The following CYREN variants were observed in gnomAD, a reference collection of about 807,000 sequenced individuals.
CYREN encodes cell cycle regulator of NHEJ.
Under a neutral mutation model 9.7 loss-of-function variants are expected in CYREN, and 7 were observed. The ratio of observed to expected loss-of-function variants is 0.72; its 90% CI spans 0.41 to 1.36. The LOEUF (loss-of-function observed/expected upper bound fraction) is 1.36, where lower values mean the gene tolerates loss of function less well. Among genes scored for constraint, CYREN ranks in the 40% most tolerant of loss-of-function variants. The pLI, the probability that CYREN is intolerant of heterozygous loss-of-function variation, is 0.01. For synonymous variants in CYREN, 76 were observed against 77.9 expected (o/e 0.98, Z 0.13); for missense variants, 215 against 198.1 (o/e 1.09, Z -0.51).
At chr7:135,110,210 A>C (rs117064091) in intron 2 of CYREN, among the ~76,000 whole-genome samples, 3,000 of 152,170 alleles carry the variant, frequency 0.02, 46 homozygotes, top group Middle Eastern at 0.051. Flanking sequence ...CACTGCTACC[A>C]CTGGCTGGCT....
chr7:135,160,195 G>T (rs1468015655), intron 2 of CYREN, among the ~76,000 whole-genome samples: 4 of 152,214 alleles, frequency 2.6e-5, no homozygotes, highest in African/African-American at 9.6e-5. Context: ...ACGACCTGAA[G>T]TATAGATGAC....
rs1183586865 is a variant in CYREN at position 135,129,397 on chromosome 7, A to C, written n.357-34815T>G. On this transcript the variant is annotated intron_variant and non_coding_transcript_variant, in intron 2 of 2. Transcript: ENST00000459937. ...AAGGCCAATAAAAGACTTTTGGAAC[A>C]AAGGTATGATAAGAGGGTGATTCAG... is the stretch of plus-strand genomic sequence containing the variant. 4 of 824,844 alleles carry C rather than the reference A, an allele frequency of 4.8e-6. No individual in the cohort carries two copies. In the African/African-American group the frequency reaches 6.7e-5, roughly 14 times the overall value. The allele number at this position is 824,844 out of a possible 1,614,324, so 51.1% of individuals were successfully genotyped here.
At chr7:135,114,184 C>T (rs1178846789) in intron 2 of CYREN, among the ~76,000 whole-genome samples, 1 of 152,070 alleles carries the variant, frequency 6.6e-6, no homozygotes, top group Non-Finnish European at 1.5e-5. Flanking sequence ...TCTTTGGGAC[C>T]CTGCTTTCAA....
intron 3 of CYREN, chr7:135,167,472 C>A: frequency 7.4e-7 from 1 of 1,359,680 alleles, no homozygotes; most frequent in East Asian, 2.8e-5. Context: ...AGTGCACAGT[C>A]ACGCTCTCCC....
intron 2 of CYREN, chr7:135,099,937 G>C (rs1198434087): frequency 1.6e-4 from 21 of 130,602 alleles, no homozygotes; most frequent in African/African-American, 6.0e-4. Context: ...GCCCAGGCTG[G>C]AGTGCAGTGG....
rs918965953 is a variant in CYREN at position 135,166,432 on chromosome 7, C to A, written c.*179G>T. The A allele has an allele frequency of 5.3e-6, 5 of 950,992 alleles. No individual in the cohort carries two copies. The highest frequency in any genetic ancestry group is 3.0e-5 in the Admixed American group (1 of 33,038). 58.9% of individuals were successfully genotyped at this position (950,992 alleles called of 1,614,324 possible). A position where few individuals can be genotyped will look rare whatever the true frequency, so the allele number is the denominator to read the frequency against. On this transcript the variant is annotated 3_prime_UTR_variant, in exon 4 of 4. Transcript: ENST00000393114. ...CCTTCCGCACACTCAGAACGGCAGC[C>A]CCAAGGCCCGGAGTGTCCAGGGGCT...
At chr7:135,164,001 T>C (rs566944464), downstream of CYREN, among the ~76,000 whole-genome samples, 1 of 152,352 alleles carries the variant, frequency 6.6e-6, no homozygotes, top group South Asian at 2.1e-4. Context: ...AACCAATAGC[T>C]TCCTCCACCT....
intron 2 of CYREN, among the ~76,000 whole-genome samples, chr7:135,096,459 C>T (rs1822731630): frequency 6.7e-6 from 1 of 150,216 alleles, no homozygotes; most frequent in South Asian, 2.1e-4. Flanking sequence ...CTTTTAATGA[C>T]TCGTGGAAGA....
chr7:135,129,163 C>T (rs1828370962), intron 2 of CYREN: 4 of 1,460,394 alleles, frequency 2.7e-6, no homozygotes, highest in Non-Finnish European at 3.8e-6. Flanking sequence ...CTCCAGTCCA[C>T]CTTGGACCTG....
intron 1 of CYREN, 193 bp from the exon 2 acceptor site, chr7:135,169,253 G>GC: frequency 5.3e-6 from 1 of 188,458 alleles, no homozygotes; most frequent in Non-Finnish European, 1.1e-5. Flanking sequence ...CAAAGCTGGT[G>GC]CCCCCTACAG....
chr7:135,136,597 G>A (rs1829350733), intron 2 of CYREN, among the ~76,000 whole-genome samples: 1 of 152,030 alleles, frequency 6.6e-6, no homozygotes, highest in African/African-American at 2.4e-5. Flanking sequence ...GAAAGCCAGA[G>A]GTTAATGTTC....
At chr7:135,146,168 A>G (rs750902078) in intron 2 of CYREN, among the ~76,000 whole-genome samples, 2 of 152,194 alleles carry the variant, frequency 1.3e-5, no homozygotes, top group Non-Finnish European at 1.5e-5. Flanking sequence ...GTGTCTCAGG[A>G]ATAGGGAGAC....
chr7:135,105,104 C>T (rs1177535578), intron 2 of CYREN, among the ~76,000 whole-genome samples: 5 of 131,138 alleles, frequency 3.8e-5, no homozygotes, highest in African/African-American at 2.8e-5. Flanking sequence ...GAGTCTTGCT[C>T]TTTCACCCAG....
intron 2 of CYREN, among the ~76,000 whole-genome samples, chr7:135,156,985 C>A (rs1375793553): frequency 1.3e-5 from 2 of 152,214 alleles, no homozygotes; most frequent in Non-Finnish European, 2.9e-5. Flanking sequence ...CTTGCCACCA[C>A]CATATAAGAA....
intron 2 of CYREN, among the ~76,000 whole-genome samples, chr7:135,124,552 T>C (rs570404189): frequency 6.6e-6 from 1 of 152,246 alleles, no homozygotes; most frequent in Non-Finnish European, 1.5e-5. Flanking sequence ...GTGGATCTAA[T>C]AGACATCTAC....
chr7:135,104,562 C>T (rs953417576), intron 2 of CYREN, among the ~76,000 whole-genome samples: 2 of 152,090 alleles, frequency 1.3e-5, no homozygotes, highest in African/African-American at 4.8e-5. Flanking sequence ...TATAAGATTC[C>T]CTTTTTTCTG....
chr7:135,120,539 GAAAACAA>G (rs1438286708), intron 2 of CYREN, among the ~76,000 whole-genome samples: 1 of 152,014 alleles, frequency 6.6e-6, no homozygotes, highest in African/African-American at 2.4e-5. Flanking sequence ...GCAGGAAAGA[GAAAACAA>G]AAAACAAAAG....
At chr7:135,165,489 TG>T (rs1830073961), downstream of CYREN, 1 of 170,056 alleles carries the variant, frequency 5.9e-6, no homozygotes, top group African/African-American at 2.4e-5. Context: ...CCATAGTGAG[TG>T]GGCCGCCATA....
downstream of CYREN, chr7:135,165,107 AC>A: frequency 2.9e-6 from 4 of 1,380,438 alleles, no homozygotes; most frequent in South Asian, 4.5e-5. Context: ...CAGCGATGGA[AC>A]CCACTACAGA....
Sources: allele counts gnomAD v4.1 joint callset (sites outside exome capture counted in the v4.1 genomes callset), GRCh38; gene constraint gnomAD v4.1.1; transcripts MANE v1.5; gene names NCBI Gene and HGNC (gene_info 2026-07-23, HGNC 2026-07-21).